The following GRID2 variants were observed in gnomAD, a reference collection of about 807,000 sequenced individuals.
The protein encoded by GRID2 is glutamate ionotropic receptor delta type subunit 2.
In GRID2, 33 loss-of-function variants were observed where a neutral mutation model predicts 114.8. The observed-to-expected ratio is 0.29, with a 90% confidence interval of 0.22 to 0.38. The LOEUF is 0.38. Ranked by LOEUF, GRID2 falls within the 10% of genes least tolerant of loss-of-function variation. The pLI, the probability that GRID2 is intolerant of heterozygous loss-of-function variation, is 1.00. For missense variants in GRID2, 1,184 were observed against 1,257.7 expected (o/e 0.94, Z 0.89); for synonymous variants, 505 against 449.9 (o/e 1.12, Z -1.55).
At chr4:92,332,332 C>T (rs1316204269) in intron 1 of GRID2, among the ~76,000 whole-genome samples, 1 of 151,906 alleles carries the variant, frequency 6.6e-6, no homozygotes, top group African/African-American at 2.4e-5. Context: ...AGCCTCAAGC[C>T]CCCTCATAAT....
chr4:92,341,497 T>C (rs1041537124), intron 1 of GRID2, among the ~76,000 whole-genome samples: 21 of 152,106 alleles, frequency 1.4e-4, no homozygotes, highest in African/African-American at 4.6e-4. Flanking sequence ...ACAGCCTACA[T>C]TGCAATCCAG....
intron 2 of GRID2, among the ~76,000 whole-genome samples, chr4:92,921,383 T>C (rs1029321888): frequency 2.0e-5 from 3 of 152,226 alleles, no homozygotes; most frequent in Non-Finnish European, 1.5e-5. Flanking sequence ...TTTGTTCCAT[T>C]GCTGTTGAGG....
intron 8 of GRID2, among the ~76,000 whole-genome samples, chr4:93,359,050 C>T (rs1479583106): frequency 6.6e-6 from 1 of 152,008 alleles, no homozygotes; most frequent in African/African-American, 2.4e-5. Context: ...TTTGACTCAC[C>T]TCAGCTGGGC....
chr4:92,780,679 C>T (rs112591857), intron 2 of GRID2, among the ~76,000 whole-genome samples: 8 of 152,138 alleles, frequency 5.3e-5, no homozygotes, highest in African/African-American at 1.9e-4. Context: ...ATAAGTAACC[C>T]TGGCAAGGTT....
At chr4:92,364,211 C>A (rs553600116) in intron 1 of GRID2, among the ~76,000 whole-genome samples, 1 of 152,190 alleles carries the variant, frequency 6.6e-6, no homozygotes, top group East Asian at 1.9e-4. Flanking sequence ...ATTTTAAACA[C>A]TGCTTGTAGC....
At chr4:93,236,342 G>T (rs1178721566) in intron 7 of GRID2, among the ~76,000 whole-genome samples, 1 of 151,956 alleles carries the variant, frequency 6.6e-6, no homozygotes, top group East Asian at 1.9e-4. Flanking sequence ...ATTCTGCATG[G>T]CTCCCCAGGT....
intron 13 of GRID2, among the ~76,000 whole-genome samples, chr4:93,621,545 G>A (rs1195197040): frequency 6.6e-6 from 1 of 152,128 alleles, no homozygotes; most frequent in Non-Finnish European, 1.5e-5. Flanking sequence ...CAAGAACAGG[G>A]CTAGTTGAAA....
intron 2 of GRID2, among the ~76,000 whole-genome samples, chr4:92,848,134 T>C (rs1043928815): frequency 6.6e-6 from 1 of 151,980 alleles, no homozygotes; most frequent in Non-Finnish European, 1.5e-5. Context: ...CCACAGTCAT[T>C]GATGTAACAC....
intron 2 of GRID2, among the ~76,000 whole-genome samples, chr4:92,990,179 G>A (rs540514990): frequency 3.8e-4 from 54 of 141,586 alleles, no homozygotes; most frequent in Non-Finnish European, 7.4e-4. Context: ...AAATAGAGTG[G>A]CATTCATCTT....
intron 14 of GRID2, among the ~76,000 whole-genome samples, chr4:93,736,733 A>G (rs1730953399): frequency 6.6e-6 from 1 of 151,874 alleles, no homozygotes; most frequent in Admixed American, 6.6e-5. Flanking sequence ...TAGAAGGAAT[A>G]TTTGATTTTT....
chr4:92,578,968 T>C (rs564623998), intron 1 of GRID2, among the ~76,000 whole-genome samples: 1 of 152,298 alleles, frequency 6.6e-6, no homozygotes, highest in East Asian at 1.9e-4. Context: ...ATTTGCTTTA[T>C]AGCTTATGTT....
chr4:93,517,583 C>T (rs1196049669), intron 13 of GRID2, among the ~76,000 whole-genome samples: 2 of 151,914 alleles, frequency 1.3e-5, no homozygotes, highest in East Asian at 1.9e-4. Context: ...AATAATAATA[C>T]GATGTATTTT....
At chr4:92,881,161 C>T (rs1488585342) in intron 2 of GRID2, among the ~76,000 whole-genome samples, 1 of 152,194 alleles carries the variant, frequency 6.6e-6, no homozygotes, top group Non-Finnish European at 1.5e-5. Flanking sequence ...CATCGGCCTC[C>T]CACAGTGCGG....
intron 2 of GRID2, among the ~76,000 whole-genome samples, chr4:92,677,093 T>A (rs775604858): frequency 1.3e-5 from 2 of 152,184 alleles, no homozygotes; most frequent in Non-Finnish European, 2.9e-5. Context: ...CAAAACAGAT[T>A]GGTGGCTGCC....
intron 10 of GRID2, among the ~76,000 whole-genome samples, chr4:93,437,454 A>G (rs2149387398): frequency 6.6e-6 from 1 of 152,244 alleles, no homozygotes; most frequent in Admixed American, 6.5e-5. Context: ...ACAATACTCA[A>G]ACAGTTCAGA....
chr4:92,457,931 G>T (rs1338701294), intron 1 of GRID2, among the ~76,000 whole-genome samples: 2 of 152,098 alleles, frequency 1.3e-5, no homozygotes, highest in Non-Finnish European at 1.5e-5. Flanking sequence ...TTCTGCCATT[G>T]TAAATTTTTT....
intron 1 of GRID2, among the ~76,000 whole-genome samples, chr4:92,509,742 G>C (rs988892008): frequency 4.6e-5 from 7 of 152,038 alleles, no homozygotes; most frequent in Middle Eastern, 3.4e-3. Flanking sequence ...TTAAGTATTT[G>C]AGTAAAGAGC....
At chr4:92,326,408 T>C (rs950052091) in intron 1 of GRID2, among the ~76,000 whole-genome samples, 1 of 151,946 alleles carries the variant, frequency 6.6e-6, no homozygotes, top group Non-Finnish European at 1.5e-5. Context: ...AAAGGATTAC[T>C]GAACTAGTTT....
chr4:93,345,188 G>A (rs1047952044), intron 8 of GRID2, among the ~76,000 whole-genome samples: 2 of 151,994 alleles, frequency 1.3e-5, no homozygotes, highest in African/African-American at 4.8e-5. Context: ...AGGATTGCTG[G>A]ATCACATGGT....
Sources: gnomAD v4.1 joint callset for allele counts (sites outside exome capture counted in the v4.1 genomes callset) on GRCh38, gnomAD v4.1.1 for gene constraint, MANE v1.5 for transcripts, NCBI Gene and HGNC (gene_info 2026-07-23, HGNC 2026-07-21) for gene names.